The following DSC2 variants were observed in gnomAD, a reference collection of about 807,000 sequenced individuals.
The protein encoded by DSC2 is desmocollin-2.
A neutral mutation model predicts 87.6 loss-of-function variants in DSC2; 51 were observed. That is an observed-to-expected ratio of 0.58 (90% confidence interval 0.46 to 0.74). The LOEUF (loss-of-function observed/expected upper bound fraction) is 0.74. DSC2 is among the 30% of genes least tolerant of loss of function. The probability of loss-of-function intolerance (pLI) is 0.00; values close to 1 mark genes in which losing one functional copy is unlikely to be tolerated. For missense variants in DSC2, 1,066 were observed against 1,089.5 expected (o/e 0.98, Z 0.30); for synonymous variants, 383 against 393.2 (o/e 0.97, Z 0.31).
rs1204467255 is a variant in DSC2, at chr18:31,092,343, A to G, written c.155-43T>C. The G allele has an allele frequency of 2.6e-6, 4 of 1,550,190 alleles. No individual in the cohort carries two copies. The Admixed American group carries it at 5.0e-5, about 20-fold the overall frequency. ...AGCAATCATTTTTAAAGTAAAACAT[A>G]GGATATAGTTTTAACAGTAATGTAT... On this transcript the variant is annotated intron_variant, in intron 2 of 15. Transcript: ENST00000280904.
At chr18:31,083,885 A>T (rs576675117) in intron 7 of DSC2, among the ~76,000 whole-genome samples, 12 of 152,310 alleles carry the variant, frequency 7.9e-5, no homozygotes, top group Non-Finnish European at 1.5e-4. Context: ...AGAATTAAAA[A>T]CAATACAGTA....
At chr18:31,084,739 T>C (rs982698896) in intron 7 of DSC2, among the ~76,000 whole-genome samples, 1 of 152,044 alleles carries the variant, frequency 6.6e-6, no homozygotes, top group Non-Finnish European at 1.5e-5. Context: ...TTTATGAAAG[T>C]ATTTTGTAAA....
At chr18:31,099,983 C>G (rs978473439) in intron 1 of DSC2, among the ~76,000 whole-genome samples, 2 of 152,202 alleles carry the variant, frequency 1.3e-5, no homozygotes, top group Non-Finnish European at 2.9e-5. Flanking sequence ...ATCCTCCCAC[C>G]TTAGCCTCTC....
At chr18:31,101,816 C>G in intron 1 of DSC2, 87 bp downstream of exon 1, 1 of 1,375,710 alleles carries the variant, frequency 7.3e-7, no homozygotes, top group Non-Finnish European at 9.8e-7. Flanking sequence ...TTTCCCGCCA[C>G]CCCCACCTAT....
At chr18:31,099,197 T>C (rs965872201) in intron 1 of DSC2, among the ~76,000 whole-genome samples, 1 of 152,136 alleles carries the variant, frequency 6.6e-6, no homozygotes, top group Non-Finnish European at 1.5e-5. Flanking sequence ...TTTTAAGCTA[T>C]AAAAGTGGAT....
At chr18:31,069,730 A>C (rs1289575277) in intron 14 of DSC2, among the ~76,000 whole-genome samples, 1 of 151,806 alleles carries the variant, frequency 6.6e-6, no homozygotes, top group Non-Finnish European at 1.5e-5. Flanking sequence ...AAAAAAAAAA[A>C]AGCCTCTTAG....
chr18:31,080,082 A>G lies in DSC2; in HGVS notation c.1520+14T>C. The G allele has an allele frequency of 6.2e-7, 1 of 1,613,792 alleles. No homozygotes were observed. Among genetic ancestry groups the G allele is most frequent in the Non-Finnish European group, 8.5e-7 (1 of 1,179,952 alleles). The stretch of plus-strand genomic sequence containing the variant: ...AAGCTATATATTTTAAAACTAAAAT[A>G]GAATGGTAAGTACCTTATGCCACTG... On this transcript the variant is annotated intron_variant, in intron 10 of 15. Transcript: ENST00000280904.
At chr18:31,072,895 G>C (rs1479377702) in intron 12 of DSC2, among the ~76,000 whole-genome samples, 1 of 152,146 alleles carries the variant, frequency 6.6e-6, no homozygotes, top group Non-Finnish European at 1.5e-5. Context: ...ATTATAATGA[G>C]ACTAGCAAAA....
chr18:31,095,577 A>C (rs973439132), intron 1 of DSC2, among the ~76,000 whole-genome samples: 1 of 152,204 alleles, frequency 6.6e-6, no homozygotes, highest in African/African-American at 2.4e-5. Flanking sequence ...ATGTTGGAGA[A>C]GATGAAAAAT....
intron 11 of DSC2, among the ~76,000 whole-genome samples, chr18:31,076,166 C>A (rs1987010803): frequency 6.6e-6 from 1 of 152,162 alleles, no homozygotes; most frequent in Non-Finnish European, 1.5e-5. Flanking sequence ...TCGGGAAGAT[C>A]TCCGAGCACA....
chr18:31,070,878 T>C lies in DSC2; in HGVS notation c.2126-28A>G, dbSNP rs748354683. On this transcript the variant is annotated intron_variant, in intron 13 of 15. Transcript: ENST00000280904. ...GGAGGAAGAAAGAAATATACTTGAGTTTATCATAAAATAATATGAAGTTAT... is the reference window on the plus strand; with the variant it reads ...GGAGGAAGAAAGAAATATACTTGAGCTTATCATAAAATAATATGAAGTTAT... 4 of 1,611,674 alleles carry C rather than the reference T, an allele frequency of 2.5e-6. No individual in the cohort carries two copies. In the African/African-American group the frequency reaches 5.3e-5, roughly 22 times the overall value.
At chr18:31,070,913 A>T (rs1323048722) in intron 13 of DSC2, 63 bp from the exon 14 acceptor site, 108 of 1,557,324 alleles carry the variant, frequency 6.9e-5, no homozygotes, top group Non-Finnish European at 9.2e-5. Flanking sequence ...TAAATGTACA[A>T]TGGTTAATAC....
chr18:31,085,161 A>C (rs1987354949), intron 7 of DSC2, among the ~76,000 whole-genome samples: 1 of 152,086 alleles, frequency 6.6e-6, no homozygotes, highest in Admixed American at 6.6e-5. Context: ...GTGATCTGTA[A>C]TTATCATCAA....
Position 31,079,737 on chromosome 18 carries a change from T to G in DSC2, c.1663+110A>C, listed in dbSNP as rs1987140465. On this transcript the variant is annotated intron_variant, in intron 11 of 15. Coordinates refer to ENST00000280904, the MANE Select transcript of DSC2 (RefSeq NM_024422.6). ...CCTCTTACTTTATATTATCAAGAGA[T>G]ATGAAAACAGAGTGCATGTATCCAG... 14 of 1,236,200 alleles carry G rather than the reference T, an allele frequency of 1.1e-5. No individual in the cohort carries two copies. The South Asian group carries it at 1.6e-4, about 14-fold the overall frequency. The allele number at this position is 1,236,200 out of a possible 1,614,324, so 76.6% of individuals were successfully genotyped here. A position where few individuals can be genotyped will look rare whatever the true frequency, so the allele number is the denominator to read the frequency against.
At chr18:31,076,917 A>AC (rs1987036004) in intron 11 of DSC2, among the ~76,000 whole-genome samples, 1 of 152,212 alleles carries the variant, frequency 6.6e-6, no homozygotes, top group Non-Finnish European at 1.5e-5. Flanking sequence ...CCAGAAGATA[A>AC]TGGGTTAATA....
rs1174073065 is a variant in DSC2 at position 31,068,229 on chromosome 18, C to G, written c.2509-17G>C. 6.2e-7 allele frequency: 1 copy of G among 1,613,658 alleles called. No homozygotes were observed. On this transcript the variant is annotated splice_polypyrimidine_tract_variant and intron_variant, in intron 15 of 15. Transcript: ENST00000280904. Reference sequence around the variant, plus strand: ...ATACACTTTCTGCCAAGGGGAAAAACACAACGTTTTTATTATTATTATTTT... The same window carrying G: ...ATACACTTTCTGCCAAGGGGAAAAAGACAACGTTTTTATTATTATTATTTT...
intron 4 of DSC2, 46 bp from the exon 5 acceptor site, chr18:31,089,640 A>G (rs1344864527): frequency 6.4e-7 from 1 of 1,569,324 alleles, no homozygotes; most frequent in Admixed American, 1.7e-5. Context: ...TTATTTCAGC[A>G]GAGCTTTCAT....
At chr18:31,079,243 T>G (rs1361628936) in intron 11 of DSC2, among the ~76,000 whole-genome samples, 1 of 152,084 alleles carries the variant, frequency 6.6e-6, no homozygotes, top group African/African-American at 2.4e-5. Context: ...TTTTTGTTTT[T>G]GTTTTGTTTT....
chr18:31,101,793 C>T (rs1292356333), intron 1 of DSC2, 110 bp downstream of exon 1: 1 of 1,153,046 alleles, frequency 8.7e-7, no homozygotes. Context: ...CCAGAGGCCC[C>T]TTCACCCCAG....
Sources: gnomAD v4.1 joint callset for allele counts (sites outside exome capture counted in the v4.1 genomes callset) on GRCh38, gnomAD v4.1.1 for gene constraint, MANE v1.5 for transcripts, NCBI Gene and HGNC (gene_info 2026-07-23, HGNC 2026-07-21) for gene names.